ADGRA2: variants seen among roughly 807,000 people sequenced by gnomAD.
ADGRA2 encodes the protein adhesion G protein-coupled receptor A2.
ADGRA2 carries 61 observed loss-of-function variants against 98.7 expected under a neutral mutation model. The observed-to-expected ratio is 0.62, with a 90% CI of 0.50 to 0.76. The LOEUF (loss-of-function observed/expected upper bound fraction) is 0.76, where lower values mean the gene tolerates loss of function less well. Ranked by LOEUF, ADGRA2 falls within the 30% of genes least tolerant of loss-of-function variation. ADGRA2 has a pLI of 0.00. For synonymous variants in ADGRA2, 858 were observed against 831.5 expected (o/e 1.03, Z -0.55); for missense variants, 1,712 against 1,860.0 (o/e 0.92, Z 1.46).
chr8:37,829,425 C>A, intron 4 of ADGRA2, 63 bp from the exon 5 acceptor site: 1 of 1,531,954 alleles, frequency 6.5e-7, no homozygotes, highest in South Asian at 1.1e-5. Flanking sequence ...ATCCCACCTG[C>A]TCTCCTCCGC....
At chr8:37,801,299 C>T (rs971863517) in intron 1 of ADGRA2, among the ~76,000 whole-genome samples, 5 of 152,222 alleles carry the variant, frequency 3.3e-5, no homozygotes, top group South Asian at 2.1e-4. Context: ...CCACCCCACC[C>T]CCCAGGCTCC....
chr8:37,826,693 AGTACCTCCCC>A, intron 2 of ADGRA2, among the ~76,000 whole-genome samples: 1 of 152,300 alleles, frequency 6.6e-6, no homozygotes, highest in East Asian at 1.9e-4. Context: ...CTGGTGGGAC[AGTACCTCCCC>A]GTCCTGAACA....
intron 1 of ADGRA2, among the ~76,000 whole-genome samples, chr8:37,806,059 G>A (rs1226037659): frequency 6.6e-6 from 1 of 152,082 alleles, no homozygotes; most frequent in Non-Finnish European, 1.5e-5. Context: ...CCCCCCGGGG[G>A]GCTTTTAGGT....
chr8:37,827,423 T>A (rs1229861257), intron 2 of ADGRA2, among the ~76,000 whole-genome samples: 4 of 152,150 alleles, frequency 2.6e-5, no homozygotes, highest in African/African-American at 9.7e-5. Context: ...GTGGGCACTG[T>A]CTCCTCAGCA....
intron 1 of ADGRA2, among the ~76,000 whole-genome samples, chr8:37,801,277 G>C (rs1049738483): frequency 6.6e-6 from 1 of 152,128 alleles, no homozygotes; most frequent in Non-Finnish European, 1.5e-5. Flanking sequence ...CTTCCTTCCT[G>C]ATCCCTCTGT....
rs773911451 is a variant in ADGRA2, at chr8:37,840,221, C to G, written c.2612C>G (p.Pro871Arg). ...GAGCTCACCTGGAGGGCACCCCCTC[C>G]GCAAGAAGGGGACCCCGCTCTGCCT... ...HKELTWRAPP[P>R]QEGDPALPTP... Residue 871 changes from proline to arginine, a missense_variant, in exon 17 of 19, where the codon CCG becomes CGG. Coordinates refer to ENST00000412232, the MANE Select transcript of ADGRA2 (RefSeq NM_032777.10). 19 of 1,612,858 alleles carry G rather than the reference C, an allele frequency of 1.2e-5. No individual in the cohort carries two copies. Among genetic ancestry groups the G allele is most frequent in the Middle Eastern group, 1.6e-4 (1 of 6,076 alleles).
At chr8:37,817,131 C>T (rs917395730) in intron 2 of ADGRA2, among the ~76,000 whole-genome samples, 1 of 152,106 alleles carries the variant, frequency 6.6e-6, no homozygotes, top group Non-Finnish European at 1.5e-5. Flanking sequence ...CCCATTCCAC[C>T]GTGGAAGGGA....
At chr8:37,832,034 T>TC (rs1437388139) in intron 8 of ADGRA2, among the ~76,000 whole-genome samples, 1 of 151,944 alleles carries the variant, frequency 6.6e-6, no homozygotes, top group African/African-American at 2.4e-5. Flanking sequence ...CACTCCAGCC[T>TC]CAGCCTAGGA....
intron 1 of ADGRA2, among the ~76,000 whole-genome samples, chr8:37,811,877 C>A (rs543149233): frequency 8.0e-5 from 12 of 150,852 alleles, no homozygotes; most frequent in South Asian, 2.1e-4. Flanking sequence ...CCGAGGCAGG[C>A]GGATCACCTG....
At chr8:37,831,207 G>A (rs1395087343) in intron 7 of ADGRA2, among the ~76,000 whole-genome samples, 1 of 152,206 alleles carries the variant, frequency 6.6e-6, no homozygotes, top group East Asian at 1.9e-4. Context: ...AGACCTGCAA[G>A]AGAGATATTA....
At chr8:37,812,897 C>T (rs1804879222) in intron 1 of ADGRA2, among the ~76,000 whole-genome samples, 1 of 151,708 alleles carries the variant, frequency 6.6e-6, no homozygotes, top group Non-Finnish European at 1.5e-5. Flanking sequence ...ACTATGTTGC[C>T]CAGCTGGTCT....
At chr8:37,799,993 G>C (rs570938787) in intron 1 of ADGRA2, among the ~76,000 whole-genome samples, 2 of 152,238 alleles carry the variant, frequency 1.3e-5, no homozygotes, top group African/African-American at 2.4e-5. Context: ...CTGGGCAAAG[G>C]TTCCTTCCTC....
chr8:37,806,567 T>A (rs1486510988), intron 1 of ADGRA2, among the ~76,000 whole-genome samples: 1 of 143,776 alleles, frequency 7.0e-6, no homozygotes, highest in Non-Finnish European at 1.5e-5. Context: ...TCTCACTCTG[T>A]CACCCAGGCT....
intron 5 of ADGRA2, 146 bp downstream of exon 5, chr8:37,829,705 G>T (rs146430746): frequency 2.0e-6 from 2 of 978,062 alleles, no homozygotes; most frequent in Non-Finnish European, 3.2e-6. Context: ...TCACCTTCCC[G>T]CGATGGCCCG....
Position 37,841,626 on chromosome 8 carries a change from C to T in ADGRA2, c.3288C>T (p.Pro1096=). The change falls in exon 19 of 19, where the codon CCC becomes CCT. Residue 1096 remains proline, a synonymous_variant. Coordinates refer to ENST00000412232, the MANE Select transcript of ADGRA2 (RefSeq NM_032777.10). This position sits in a 1 kb window ranked among gnomAD's most constrained non-coding sequence, Gnocchi z 5.0. ...PASPAAPHAP[P]RALPAAAEDG... ...CTCCCGCGGCCCCCCATGCCCCGCC[C>T]CGGGCCCTGCCCGCCGCCGCAGAGG... The T allele has an allele frequency of 6.5e-7, 1 of 1,533,238 alleles. No individual in the cohort carries two copies. The highest frequency in any genetic ancestry group is 1.4e-5 in the African/African-American group (1 of 73,464). 95.0% of individuals were successfully genotyped at this position (1,533,238 alleles called of 1,614,324 possible).
At chr8:37,828,812 C>A in intron 2 of ADGRA2, 76 bp from the exon 3 acceptor site, 1 of 1,151,874 alleles carries the variant, frequency 8.7e-7, no homozygotes, top group Non-Finnish European at 1.2e-6. Flanking sequence ...ACCGTGGTGA[C>A]AGTGAGGACC....
At chr8:37,817,323 C>T (rs1805008460) in intron 2 of ADGRA2, among the ~76,000 whole-genome samples, 1 of 152,194 alleles carries the variant, frequency 6.6e-6, no homozygotes, top group South Asian at 2.1e-4. Flanking sequence ...TTGCACGCGG[C>T]TCCGTGACTA....
rs759935424 is a variant in ADGRA2, at chr8:37,835,267, G to A, written c.1702G>A (p.Val568Met). 1 of 1,613,770 alleles carries A rather than the reference G, an allele frequency of 6.2e-7. No individual in the cohort carries two copies. Among genetic ancestry groups the A allele is most frequent in the African/African-American group, 1.3e-5 (1 of 74,926 alleles). The change falls in exon 12 of 19, where the codon GTG becomes ATG. Residue 568 changes from valine (V) to methionine (M), a missense_variant. Transcript: ENST00000412232. Reference protein sequence around the residue: ...CTAFQRREGGVPGTRPGSPGQ... With the variant: ...CTAFQRREGGMPGTRPGSPGQ... ...AGCCTTCCAGAGGAGGGAGGGAGGGGTGCCGGGCACACGGCCAGGAAGCCC... is the reference window on the plus strand; with the variant it reads ...AGCCTTCCAGAGGAGGGAGGGAGGGATGCCGGGCACACGGCCAGGAAGCCC...
rs761748825 is a variant in ADGRA2, at chr8:37,839,653, G to T, written c.2511+31G>T. 4 of 1,610,698 alleles carry T rather than the reference G, an allele frequency of 2.5e-6. No individual in the cohort carries two copies. In the South Asian group the frequency reaches 4.4e-5, roughly 18 times the overall value. On this transcript the variant is annotated intron_variant, in intron 16 of 18. Transcript: ENST00000412232. ...CAGGAGAAGGGGCTCTGGGGGTGGT[G>T]CTCCGAGATGAGTGCTGGCACCTAG...
Sources: allele counts gnomAD v4.1 joint callset (sites outside exome capture counted in the v4.1 genomes callset), GRCh38; gene constraint gnomAD v4.1.1; non-coding constraint Gnocchi (gnomAD v3.1); transcripts MANE v1.5; gene names NCBI Gene and HGNC (gene_info 2026-07-23, HGNC 2026-07-21).